Variants in PRKG1 observed in about 807,000 individuals in gnomAD.
The protein encoded by PRKG1 is protein kinase cGMP-dependent 1.
PRKG1 carries 35 observed loss-of-function variants against 88.1 expected under a neutral mutation model. That is an observed-to-expected ratio of 0.40 (90% CI 0.30 to 0.53). The LOEUF (loss-of-function observed/expected upper bound fraction) is 0.53. Among genes scored for constraint, PRKG1 ranks in the 20% least tolerant of loss-of-function variants. The probability of loss-of-function intolerance (pLI) is 0.59; values close to 1 mark genes in which losing one functional copy is unlikely to be tolerated. For synonymous variants in PRKG1, 303 were observed against 292.5 expected, an observed-to-expected ratio of 1.04 and a Z score of -0.37; for missense variants, 540 against 839.8, an observed-to-expected ratio of 0.64 and a Z score of 4.41.
At chr10:50,998,395 T>G (rs1029535981) in intron 1 of PRKG1, among the ~76,000 whole-genome samples, 2 of 152,232 alleles carry the variant, frequency 1.3e-5, no homozygotes, top group African/African-American at 4.8e-5. Flanking sequence ...TCAGATATTA[T>G]ATAATTTAAA....
chr10:52,289,978 G>A (rs561371933), intron 16 of PRKG1, among the ~76,000 whole-genome samples: 41 of 152,226 alleles, frequency 2.7e-4, no homozygotes, highest in Non-Finnish European at 7.4e-5. Flanking sequence ...GAGACATTAT[G>A]ACTGAATTAC....
chr10:51,657,386 T>C (rs898336511), intron 3 of PRKG1, among the ~76,000 whole-genome samples: 12 of 152,168 alleles, frequency 7.9e-5, no homozygotes, highest in African/African-American at 2.7e-4. Flanking sequence ...TAAGCATGGA[T>C]ACAGAAATTT....
chr10:51,006,241 A>G (rs930831074), intron 1 of PRKG1, among the ~76,000 whole-genome samples: 3 of 152,234 alleles, frequency 2.0e-5, no homozygotes, highest in African/African-American at 4.8e-5. Context: ...GGGAAGACAT[A>G]TGAACTATTT....
chr10:52,293,850 A>G lies in PRKG1; in HGVS notation c.2011A>G (p.Asn671Asp), dbSNP rs1842326036. Reference sequence around the variant, plus strand: ...TAATTTTGACAGTTTCCCTGAGGACAACGATGAACCACCACCTGATGACAA... The same window carrying G: ...TAATTTTGACAGTTTCCCTGAGGACGACGATGAACCACCACCTGATGACAA... Reference protein sequence around the residue: ...TSNFDSFPEDNDEPPPDDNSG... With the variant: ...TSNFDSFPEDDDEPPPDDNSG... The change falls in exon 18 of 18, where the codon AAC becomes GAC. Residue 671 changes from asparagine (N) to aspartate (D), a missense_variant. This residue lies in a region of PRKG1 where 97 missense variants were observed against 210.6 expected (regional missense o/e 0.46). Transcript: ENST00000373980. The G allele has an allele frequency of 1.9e-6, 3 of 1,613,240 alleles. No homozygotes were observed. The highest frequency in any genetic ancestry group is 2.2e-5 in the South Asian group (2 of 91,036).
At chr10:51,254,238 T>A (rs904762734) in intron 2 of PRKG1, among the ~76,000 whole-genome samples, 1 of 152,136 alleles carries the variant, frequency 6.6e-6, no homozygotes, top group African/African-American at 2.4e-5. Flanking sequence ...ATAATTTTCC[T>A]AGGAAAATTT....
rs762828657 is a variant in PRKG1 at position 52,288,914 on chromosome 10, C to A, written c.1833-17C>A. The A allele has an allele frequency of 3.1e-6, 5 of 1,596,262 alleles. No homozygotes were observed. The highest frequency in any genetic ancestry group is 1.7e-4 in the Middle Eastern group (1 of 5,972). On this transcript the variant is annotated splice_polypyrimidine_tract_variant and intron_variant, in intron 15 of 17. Transcript: ENST00000373980. ...GTGAAAAAATTAGATTTAATAAAAC[C>A]ATTATTTTATTTTTAGGGACAATCC...
At chr10:51,296,652 T>C (rs767485279) in intron 2 of PRKG1, among the ~76,000 whole-genome samples, 8 of 152,044 alleles carry the variant, frequency 5.3e-5, no homozygotes, top group Non-Finnish European at 1.0e-4. Context: ...TTTTTTATTG[T>C]TGTCTGTTTC....
At chr10:51,417,561 G>A (rs1015579247) in intron 2 of PRKG1, among the ~76,000 whole-genome samples, 1 of 152,128 alleles carries the variant, frequency 6.6e-6, no homozygotes, top group Non-Finnish European at 1.5e-5. Context: ...AAATGATAAA[G>A]CAAACCATAG....
At chr10:51,534,203 G>A in intron 3 of PRKG1, among the ~76,000 whole-genome samples, 1 of 152,178 alleles carries the variant, frequency 6.6e-6, no homozygotes, top group East Asian at 1.9e-4. Context: ...TAATTGTGCA[G>A]GTGTATTTGT....
At chr10:51,140,304 G>GCT (rs10649254) in intron 1 of PRKG1, among the ~76,000 whole-genome samples, 2,232 of 152,198 alleles carry the variant, frequency 0.015, 58 homozygotes, top group African/African-American at 0.051. Context: ...TAAAATTTTA[G>GCT]CTGAGAACAC....
intron 9 of PRKG1, among the ~76,000 whole-genome samples, chr10:52,212,651 A>G (rs533677264): frequency 8.6e-5 from 13 of 151,992 alleles, no homozygotes; most frequent in Admixed American, 2.0e-4. Flanking sequence ...AAAAAAAGAG[A>G]AATACTAGTT....
chr10:51,685,251 G>T (rs1241821860), intron 3 of PRKG1, among the ~76,000 whole-genome samples: 2 of 152,158 alleles, frequency 1.3e-5, no homozygotes, highest in Non-Finnish European at 2.9e-5. Context: ...GGATTCAATG[G>T]TGCTTCCACC....
rs114504360 is a variant in PRKG1, at chr10:51,845,420, G to A, written c.698+40730G>A. ...AAAGTGTTGACATTCTTCATTAAAA[G>A]CAACACCACCAACAACTGTCAATTT... On this transcript the variant is annotated intron_variant, in intron 4 of 17. Transcript: ENST00000373980. Among the ~76,000 whole-genome samples the A allele has an allele frequency of 4.4e-3, 673 of 152,166 alleles. 6 individuals carry two copies. Among genetic ancestry groups the A allele is most frequent in the African/African-American group, 0.016 (651 of 41,538 alleles).
intron 2 of PRKG1, among the ~76,000 whole-genome samples, chr10:51,162,315 A>G (rs1278822760): frequency 6.6e-6 from 1 of 152,042 alleles, no homozygotes; most frequent in Non-Finnish European, 1.5e-5. Flanking sequence ...CACATTTGAG[A>G]AACACAGGCT....
intron 10 of PRKG1, among the ~76,000 whole-genome samples, chr10:52,253,892 T>A (rs1001376714): frequency 6.9e-6 from 1 of 145,400 alleles, no homozygotes; most frequent in Non-Finnish European, 1.5e-5. Context: ...TACGGCCACA[T>A]CAGCTTTTGT....
chr10:51,983,891 G>A (rs1214985119), intron 5 of PRKG1, among the ~76,000 whole-genome samples: 1 of 152,224 alleles, frequency 6.6e-6, no homozygotes, highest in Non-Finnish European at 1.5e-5. Context: ...CCTGTGCCGG[G>A]TTCCCAGCTT....
chr10:51,324,836 G>A (rs529930310), intron 2 of PRKG1, among the ~76,000 whole-genome samples: 1 of 152,318 alleles, frequency 6.6e-6, no homozygotes, highest in Non-Finnish European at 1.5e-5. Flanking sequence ...TGACTATTGT[G>A]AATAATGCTG....
intron 3 of PRKG1, among the ~76,000 whole-genome samples, chr10:51,732,189 T>G (rs1842286259): frequency 6.6e-6 from 1 of 151,862 alleles, no homozygotes. Context: ...CCTCCCAGAG[T>G]GCTGGGTCTA....
At chr10:51,145,254 G>T (rs983119616) in intron 1 of PRKG1, among the ~76,000 whole-genome samples, 10 of 152,152 alleles carry the variant, frequency 6.6e-5, no homozygotes, top group African/African-American at 2.4e-4. Context: ...GGAAACAAAT[G>T]AGTTCTGAGA....
Sources: gnomAD v4.1 joint callset for allele counts (sites outside exome capture counted in the v4.1 genomes callset) on GRCh38, gnomAD v4.1.1 for gene constraint, gnomAD v4.1.1 regional missense constraint, MANE v1.5 for transcripts, NCBI Gene and HGNC (gene_info 2026-07-23, HGNC 2026-07-21) for gene names.